Variants in DST observed in about 807,000 individuals in gnomAD.
DST encodes dystonin.
In DST, 253 loss-of-function variants were observed where a neutral mutation model predicts 875.2. That is an observed-to-expected ratio of 0.29 (90% confidence interval 0.26 to 0.32). The LOEUF is 0.32. DST is among the 10% of genes least tolerant of loss of function. DST has a pLI of 1.00. For synonymous variants in DST, 3,124 were observed against 3,197.1 expected, an observed-to-expected ratio of 0.98 and a Z score of 0.77; for missense variants, 8,287 against 9,111.6, an observed-to-expected ratio of 0.91 and a Z score of 3.68.
At chr6:56,837,492 C>T (rs949990132) in intron 4 of DST, among the ~76,000 whole-genome samples, 31 of 152,212 alleles carry the variant, frequency 2.0e-4, no homozygotes, top group African/African-American at 7.0e-4. Flanking sequence ...CAGTCCTCCG[C>T]GCTGCTGCCA....
intron 30 of DST, 100 bp downstream of exon 30, chr6:56,631,111 A>T: frequency 2.1e-6 from 1 of 478,114 alleles, no homozygotes; most frequent in Non-Finnish European, 3.1e-6. Context: ...ACAAAATAAA[A>T]GTTAATATTT....
Position 56,922,322 on chromosome 6 carries a change from A to G in DST, c.217-21701T>C, listed in dbSNP as rs143343644. ...CCTTCGTTCCCTCCTCACCTTCCCT[A>G]CCAACATCATGGTCCAGGTCCTGCT... On this transcript the variant is annotated intron_variant, in intron 2 of 103. Transcript: ENST00000680361. Among the ~76,000 whole-genome samples, 339 of 152,122 alleles carry G rather than the reference A, an allele frequency of 2.2e-3. 3 individuals are homozygous for G. Among genetic ancestry groups the G allele is most frequent in the Middle Eastern group, 0.014 (4 of 292 alleles).
intron 5 of DST, among the ~76,000 whole-genome samples, chr6:56,706,600 C>T (rs371666121): frequency 6.6e-6 from 1 of 152,178 alleles, no homozygotes; most frequent in African/African-American, 2.4e-5. Context: ...AGTTTTTCCA[C>T]AGATGCAGGG....
intron 68 of DST, among the ~76,000 whole-genome samples, chr6:56,527,287 T>G (rs1264918825): frequency 6.6e-6 from 1 of 152,196 alleles, no homozygotes; most frequent in Non-Finnish European, 1.5e-5. Context: ...TATAAGACTC[T>G]TGCAACAATT....
In DST at chr6:56,626,993, C is replaced by T. The variant is rs34979481; in HGVS notation, c.4722+211G>A. 0.011 allele frequency among the ~76,000 whole-genome samples: 1,748 copies of T among 152,106 alleles called. 14 individuals carry two copies. The highest frequency in any genetic ancestry group is 0.016 in the Non-Finnish European group (1,121 of 67,974). ...TATGTATTCTGGTGGCTGGGAGTGG[C>T]AGGGGTGTACATATGTGAGAGAGAA... On this transcript the variant is annotated intron_variant, in intron 34 of 103. Transcript: ENST00000680361.
chr6:56,879,342 G>A (rs1456373294), intron 3 of DST, among the ~76,000 whole-genome samples: 1 of 152,116 alleles, frequency 6.6e-6, no homozygotes, highest in Non-Finnish European at 1.5e-5. Context: ...GCGGTGGCAG[G>A]CGCCTGTAGT....
intron 5 of DST, among the ~76,000 whole-genome samples, chr6:56,724,262 G>A (rs1178700628): frequency 1.3e-5 from 2 of 152,118 alleles, no homozygotes; most frequent in Admixed American, 1.3e-4. Flanking sequence ...CCATTAACTA[G>A]GACAATAGCT....
intron 90 of DST, among the ~76,000 whole-genome samples, chr6:56,478,416 T>C (rs1169340312): frequency 6.6e-6 from 1 of 152,098 alleles, no homozygotes; most frequent in African/African-American, 2.4e-5. Flanking sequence ...TAAGAGCCAC[T>C]CTCCTCTGTT....
At chr6:56,610,359 G>C in intron 39 of DST, 68 bp downstream of exon 39, 1 of 1,204,152 alleles carries the variant, frequency 8.3e-7, no homozygotes, top group East Asian at 2.7e-5. Context: ...TATTGACATA[G>C]ATTTCCAGAG....
At chr6:56,638,613 C>A (rs1193286948) in intron 22 of DST, among the ~76,000 whole-genome samples, 1 of 152,116 alleles carries the variant, frequency 6.6e-6, no homozygotes, top group East Asian at 1.9e-4. Flanking sequence ...AAGTCACTAA[C>A]TCTGTCTAAT....
At chr6:56,480,721 C>T (rs2095372966) in intron 90 of DST, among the ~76,000 whole-genome samples, 1 of 152,192 alleles carries the variant, frequency 6.6e-6, no homozygotes, top group Non-Finnish European at 1.5e-5. Flanking sequence ...GTAAAAACCA[C>T]TACCCCTGCT....
intron 4 of DST, among the ~76,000 whole-genome samples, chr6:56,824,710 T>C (rs1351793298): frequency 6.7e-6 from 1 of 149,980 alleles, no homozygotes; most frequent in Non-Finnish European, 1.5e-5. Flanking sequence ...ATCTGAGAAG[T>C]GAGGAGACCC....
Position 56,640,052 on chromosome 6 carries a change from T to C in DST, c.2496A>G (p.Gln832=). 2.5e-6 allele frequency: 4 copies of C among 1,614,126 alleles called. No homozygotes were observed. The highest frequency in any genetic ancestry group is 2.2e-5 in the South Asian group (2 of 91,084). The change falls in exon 19 of 104, where the codon CAA becomes CAG. Residue 832 remains glutamine (Q), a synonymous_variant. Transcript: ENST00000680361. ...LLNWVDEMQV[Q]LDRTEWGSDL... ...CTGAGCCCCACTCAGTGCGGTCCAG[T>C]TGTACCTTCAGACAGTAAAATACTA... is the stretch of plus-strand genomic sequence containing the variant.
Position 56,864,747 on chromosome 6 carries a change from T to C in DST, c.418-13143A>G, listed in dbSNP as rs376403946. Among the ~76,000 whole-genome samples, 9 of 152,318 alleles carry C rather than the reference T, an allele frequency of 5.9e-5. No individual in the cohort carries two copies. The East Asian group carries it at 1.7e-3, about 29-fold the overall frequency. ...AATACATTTCCATAGCATTTTATTA[T>C]AAAATAAAAAGATAAAACAAAAACT... On this transcript the variant is annotated intron_variant, in intron 3 of 103. Transcript: ENST00000680361.
At chr6:56,529,923 A>T in intron 65 of DST, 51 bp downstream of exon 65, 1 of 1,598,164 alleles carries the variant, frequency 6.3e-7, no homozygotes, top group Admixed American at 1.7e-5. Context: ...TTTATGTCAC[A>T]AAACCACACA....
chr6:56,766,460 G>A (rs1261692002), intron 4 of DST, among the ~76,000 whole-genome samples: 2 of 151,758 alleles, frequency 1.3e-5, no homozygotes, highest in African/African-American at 4.8e-5. Flanking sequence ...TAGCACTGCT[G>A]TCTTTCTAAA....
rs370495323 is a variant in DST, at chr6:56,509,805, G to C, written c.18849C>G (p.Pro6283=). 65 of 1,613,704 alleles carry C rather than the reference G, an allele frequency of 4.0e-5. No homozygotes were observed. The African/African-American group carries it at 7.5e-4, about 19-fold the overall frequency. ...TCTTCTCAACCTCTGCAGAGATAGAGGGTGGCTGCCTCAGACGTTCCACGA... is the reference window on the plus strand; with the variant it reads ...TCTTCTCAACCTCTGCAGAGATAGACGGTGGCTGCCTCAGACGTTCCACGA... ...ERIVERLRQP[P]SISAEVEKIK... The change falls in exon 74 of 104, where the codon CCC becomes CCG. Residue 6283 remains proline, a synonymous_variant. Transcript: ENST00000680361.
At chr6:56,681,278 T>C (rs1355426345) in intron 9 of DST, among the ~76,000 whole-genome samples, 1 of 152,092 alleles carries the variant, frequency 6.6e-6, no homozygotes, top group Non-Finnish European at 1.5e-5. Flanking sequence ...CCACATCCAA[T>C]TGGTAACACA....
intron 61 of DST, chr6:56,541,139 T>C (rs533097605): frequency 1.3e-5 from 2 of 152,752 alleles, no homozygotes; most frequent in South Asian, 2.1e-4. Flanking sequence ...ATCCATAAAA[T>C]TGGCCGGGAC....
Sources: allele counts gnomAD v4.1 joint callset (sites outside exome capture counted in the v4.1 genomes callset), GRCh38; gene constraint gnomAD v4.1.1; transcripts MANE v1.5; gene names NCBI Gene and HGNC (gene_info 2026-07-23, HGNC 2026-07-21).